SUGCT: variants seen among roughly 807,000 people sequenced by gnomAD.
SUGCT encodes the protein succinyl-CoA:glutarate CoA-transferase.
SUGCT carries 41 observed loss-of-function variants against 55.0 expected under a neutral mutation model. The ratio of observed to expected loss-of-function variants is 0.74; its 90% CI spans 0.58 to 0.97. The LOEUF (loss-of-function observed/expected upper bound fraction) is 0.97, where lower values mean the gene tolerates loss of function less well. Ranked by LOEUF, SUGCT falls within the 50% of genes least tolerant of loss-of-function variation. The pLI, the probability that SUGCT is intolerant of heterozygous loss-of-function variation, is 0.00. For synonymous variants in SUGCT, 187 were observed against 200.4 expected, an observed-to-expected ratio of 0.93 and a Z score of 0.56; for missense variants, 568 against 547.8, an observed-to-expected ratio of 1.04 and a Z score of -0.37.
intron 8 of SUGCT, among the ~76,000 whole-genome samples, chr7:40,310,957 A>G (rs1160389453): frequency 1.3e-5 from 2 of 152,154 alleles, no homozygotes; most frequent in African/African-American, 4.8e-5. Flanking sequence ...ACTTTTAAAT[A>G]CTTTCTATAG....
intron 12 of SUGCT, among the ~76,000 whole-genome samples, chr7:40,691,352 T>G (rs1784691435): frequency 6.6e-6 from 1 of 152,084 alleles, no homozygotes; most frequent in Non-Finnish European, 1.5e-5. Context: ...AGACAGAACT[T>G]TTTCTCCTCA....
At chr7:40,579,398 T>A (rs1459062262) in intron 12 of SUGCT, among the ~76,000 whole-genome samples, 1 of 152,156 alleles carries the variant, frequency 6.6e-6, no homozygotes, top group African/African-American at 2.4e-5. Context: ...TTGGGGCCAT[T>A]GAAAAGCTGG....
intron 12 of SUGCT, among the ~76,000 whole-genome samples, chr7:40,674,523 G>T (rs1802095307): frequency 6.6e-6 from 1 of 152,150 alleles, no homozygotes; most frequent in Admixed American, 6.5e-5. Flanking sequence ...CAGCTACAGA[G>T]GAATTCTCAC....
intron 7 of SUGCT, among the ~76,000 whole-genome samples, chr7:40,271,878 A>C (rs1246776898): frequency 1.3e-5 from 2 of 151,396 alleles, no homozygotes; most frequent in East Asian, 3.9e-4. Flanking sequence ...TCTGCTCTCT[A>C]TCTTCATGAG....
At chr7:40,543,137 T>A in intron 12 of SUGCT, among the ~76,000 whole-genome samples, 1 of 152,216 alleles carries the variant, frequency 6.6e-6, no homozygotes, top group East Asian at 1.9e-4. Flanking sequence ...TTCCTTTTTC[T>A]GGCATCTCTA....
At chr7:40,514,422 G>A (rs868405338) in intron 12 of SUGCT, among the ~76,000 whole-genome samples, 1 of 151,902 alleles carries the variant, frequency 6.6e-6, no homozygotes, top group South Asian at 2.1e-4. Context: ...AAAATGCCAA[G>A]CTAAGGCCAG....
intron 7 of SUGCT, among the ~76,000 whole-genome samples, chr7:40,254,685 G>A (rs1178445905): frequency 2.0e-5 from 3 of 151,544 alleles, no homozygotes; most frequent in South Asian, 2.1e-4. Flanking sequence ...GTCAGCCACC[G>A]CACCCAGCCA....
intron 13 of SUGCT, among the ~76,000 whole-genome samples, chr7:40,814,310 C>G (rs747301654): frequency 4.6e-5 from 7 of 152,090 alleles, no homozygotes; most frequent in African/African-American, 7.2e-5. Context: ...GTTATTTACT[C>G]TTTCTCCTTC....
intron 12 of SUGCT, among the ~76,000 whole-genome samples, chr7:40,658,929 C>A (rs1024315349): frequency 6.6e-6 from 1 of 152,120 alleles, no homozygotes; most frequent in Non-Finnish European, 1.5e-5. Flanking sequence ...CCCGGGGAAA[C>A]TGGAGTGGTG....
the SUGCT span, among the ~76,000 whole-genome samples, chr7:41,036,946 C>A: frequency 5.3e-5 from 8 of 152,204 alleles, no homozygotes; most frequent in Non-Finnish European, 1.5e-5. Flanking sequence ...GTCTAATTCA[C>A]AGACTCTAAC....
chr7:40,638,555 G>T (rs889527408), intron 12 of SUGCT, among the ~76,000 whole-genome samples: 4 of 152,212 alleles, frequency 2.6e-5, no homozygotes, highest in African/African-American at 9.7e-5. Context: ...TGATTAGGGT[G>T]CTGCCAGAAA....
chr7:40,736,776 AT>A (rs1425696429), intron 12 of SUGCT, among the ~76,000 whole-genome samples: 9 of 152,138 alleles, frequency 5.9e-5, no homozygotes, highest in African/African-American at 1.2e-4. Context: ...AAAGAAAAAA[AT>A]ATCTTTATTT....
At chr7:40,619,768 T>G (rs1010743609) in intron 12 of SUGCT, among the ~76,000 whole-genome samples, 1 of 152,230 alleles carries the variant, frequency 6.6e-6, no homozygotes, top group Non-Finnish European at 1.5e-5. Flanking sequence ...GATTCATTTG[T>G]GATGTCATTT....
chr7:40,415,102 ATCT>A lies in SUGCT; in HGVS notation c.817-34184_817-34182del, dbSNP rs1472315224. ...TATCTATCTATCTATCTATCTATCTATCTATCTATCTATATAAAATTAGCGGGG... is the reference window on the plus strand; with the variant it reads ...TATCTATCTATCTATCTATCTATCTAATCTATCTATATAAAATTAGCGGGG... On this transcript the variant is annotated intron_variant, in intron 9 of 13. Coordinates refer to ENST00000335693, the MANE Select transcript of SUGCT (RefSeq NM_001193313.2). 2.8e-4 allele frequency among the ~76,000 whole-genome samples: 40 copies of A among 143,000 alleles called. 1 individual carries two copies. The highest frequency in any genetic ancestry group is 1.6e-3 in the Admixed American group (23 of 14,136). The allele number at this position is 143,000 out of a possible 152,430, so 93.8% of individuals were successfully genotyped here. A position where few individuals can be genotyped will look rare whatever the true frequency, so the allele number is the denominator to read the frequency against.
At chr7:40,473,066 C>G (rs1200149060) in intron 11 of SUGCT, among the ~76,000 whole-genome samples, 2 of 152,054 alleles carry the variant, frequency 1.3e-5, no homozygotes, top group African/African-American at 4.8e-5. Context: ...GGAAAAGAAC[C>G]ATGTTTCTTG....
At chr7:40,509,635 G>C (rs1200642932) in intron 12 of SUGCT, among the ~76,000 whole-genome samples, 1 of 151,986 alleles carries the variant, frequency 6.6e-6, no homozygotes, top group Admixed American at 6.6e-5. Context: ...CTATAAGCCA[G>C]AACTAAAAGG....
At chr7:40,946,115 T>TAG in the SUGCT span, among the ~76,000 whole-genome samples, 1 of 151,998 alleles carries the variant, frequency 6.6e-6, no homozygotes, top group Non-Finnish European at 1.5e-5. Context: ...AGTTTTTTTT[T>TAG]TTTTTTCATG....
chr7:40,528,855 A>T (rs762145560), intron 12 of SUGCT, among the ~76,000 whole-genome samples: 1 of 152,194 alleles, frequency 6.6e-6, no homozygotes, highest in Non-Finnish European at 1.5e-5. Context: ...TAGAGTCATC[A>T]TTTGGCTTTG....
chr7:40,875,505 T>C, the SUGCT span, among the ~76,000 whole-genome samples: 2 of 152,170 alleles, frequency 1.3e-5, no homozygotes, highest in African/African-American at 4.8e-5. Flanking sequence ...CCTTCTCCTC[T>C]CCAACACAGT....
Sources: gnomAD v4.1 joint callset for allele counts (sites outside exome capture counted in the v4.1 genomes callset) on GRCh38, gnomAD v4.1.1 for gene constraint, MANE v1.5 for transcripts, NCBI Gene and HGNC (gene_info 2026-07-23, HGNC 2026-07-21) for gene names.